The following LRRC4C variants were observed in gnomAD, a reference collection of about 807,000 sequenced individuals.
LRRC4C encodes leucine rich repeat containing 4C.
LRRC4C carries 5 observed loss-of-function variants against 33.6 expected under a neutral mutation model. The observed-to-expected ratio is 0.15, with a 90% CI of 0.08 to 0.31. The LOEUF is 0.31. Ranked by LOEUF, LRRC4C falls within the 10% of genes least tolerant of loss-of-function variation. LRRC4C has a pLI of 1.00. For missense variants in LRRC4C, 560 were observed against 796.7 expected, an observed-to-expected ratio of 0.70 and a Z score of 3.58; for synonymous variants, 329 against 302.0, an observed-to-expected ratio of 1.09 and a Z score of -0.93.
chr11:40,703,872 T>C (rs73469400), intron 2 of LRRC4C, among the ~76,000 whole-genome samples: 6,124 of 152,256 alleles, frequency 0.04, 416 homozygotes, highest in African/African-American at 0.14. Flanking sequence ...GTTAACATTG[T>C]GTGTTTTAGT....
chr11:40,876,204 T>A (rs748847906), intron 2 of LRRC4C, among the ~76,000 whole-genome samples: 1 of 151,600 alleles, frequency 6.6e-6, no homozygotes, highest in Non-Finnish European at 1.5e-5. Context: ...ACCAACAAAG[T>A]TGGTTCACCA....
At chr11:41,364,938 T>C (rs1055132844) in intron 1 of LRRC4C, among the ~76,000 whole-genome samples, 16 of 152,090 alleles carry the variant, frequency 1.1e-4, no homozygotes, top group Admixed American at 3.3e-4. Context: ...ATTTTCAAAG[T>C]TATTTTGTCA....
At chr11:40,943,004 TG>T (rs1228045448) in intron 1 of LRRC4C, among the ~76,000 whole-genome samples, 1 of 152,200 alleles carries the variant, frequency 6.6e-6, no homozygotes, top group African/African-American at 2.4e-5. Flanking sequence ...GCTCAGGTGT[TG>T]AAAGCAGACA....
chr11:41,073,231 G>A (rs543494197), intron 1 of LRRC4C, among the ~76,000 whole-genome samples: 3 of 152,230 alleles, frequency 2.0e-5, no homozygotes, highest in African/African-American at 7.2e-5. Flanking sequence ...TATCTGGTGA[G>A]GGCCTCAGGA....
chr11:40,967,112 G>T (rs1322508629), intron 1 of LRRC4C, among the ~76,000 whole-genome samples: 1 of 151,814 alleles, frequency 6.6e-6, no homozygotes, highest in East Asian at 1.9e-4. Context: ...TAGCTAATCT[G>T]AGTTTGAGCT....
intron 1 of LRRC4C, among the ~76,000 whole-genome samples, chr11:40,940,925 CTTTT>C (rs35666750): frequency 3.8e-5 from 5 of 131,610 alleles, no homozygotes; most frequent in Admixed American, 1.6e-4. Context: ...GTTACAAAAT[CTTTT>C]TTTTTTTTTT....
intron 2 of LRRC4C, among the ~76,000 whole-genome samples, chr11:40,756,352 G>T (rs143642276): frequency 6.6e-6 from 1 of 151,956 alleles, no homozygotes. Flanking sequence ...ATAATCCGTC[G>T]CTTTGCTAAT....
intron 5 of LRRC4C, among the ~76,000 whole-genome samples, chr11:40,198,784 C>T (rs1862473207): frequency 6.6e-6 from 1 of 152,174 alleles, no homozygotes; most frequent in Non-Finnish European, 1.5e-5. Flanking sequence ...TAAATGGAGT[C>T]AATCTGGACT....
chr11:41,120,529 G>GGTGCTT (rs1942369323), intron 1 of LRRC4C, among the ~76,000 whole-genome samples: 1 of 151,938 alleles, frequency 6.6e-6, no homozygotes, highest in African/African-American at 2.4e-5. Context: ...AAGTGAGCTA[G>GGTGCTT]GTGCTTATTT....
intron 5 of LRRC4C, among the ~76,000 whole-genome samples, chr11:40,211,055 G>C (rs1292024757): frequency 1.3e-5 from 2 of 152,076 alleles, no homozygotes; most frequent in Non-Finnish European, 2.9e-5. Context: ...AGGATCACAG[G>C]CCTGAGCAAC....
At chr11:41,287,895 C>A (rs992530683) in intron 1 of LRRC4C, among the ~76,000 whole-genome samples, 1 of 152,090 alleles carries the variant, frequency 6.6e-6, no homozygotes, top group Non-Finnish European at 1.5e-5. Flanking sequence ...GCTTCCATGT[C>A]ACTTTAACTA....
chr11:41,448,155 C>A (rs1487749562), intron 1 of LRRC4C, among the ~76,000 whole-genome samples: 9 of 33,552 alleles, frequency 2.7e-4, no homozygotes, highest in Non-Finnish European at 7.1e-4. Context: ...AGCTTTACTT[C>A]ATCAGTGTCC....
intron 5 of LRRC4C, among the ~76,000 whole-genome samples, chr11:40,196,217 T>C (rs1320050321): frequency 1.3e-5 from 2 of 152,098 alleles, no homozygotes; most frequent in African/African-American, 4.8e-5. Flanking sequence ...GGGCAGACAC[T>C]ACGAAGGGGT....
chr11:40,492,673 T>C (rs778962797), intron 3 of LRRC4C, among the ~76,000 whole-genome samples: 3 of 152,162 alleles, frequency 2.0e-5, no homozygotes, highest in Admixed American at 1.3e-4. Flanking sequence ...AGTCTTCTCA[T>C]TGAAACCTAA....
rs537474437 is a variant in LRRC4C, at chr11:41,361,629, G to A, written c.-496+97802C>T. On this transcript the variant is annotated intron_variant, in intron 1 of 6. Transcript: ENST00000528697. ...CTACATAATTGCACAGGCAAAAATT[G>A]TACATAAATATCAATGCATAGCTAA... 7.9e-5 allele frequency among the ~76,000 whole-genome samples: 12 copies of A among 152,252 alleles called. No individual in the cohort carries two copies. In the South Asian group the frequency reaches 2.3e-3, roughly 29 times the overall value.
At chr11:40,824,560 A>G (rs1308745559) in intron 2 of LRRC4C, among the ~76,000 whole-genome samples, 1 of 151,820 alleles carries the variant, frequency 6.6e-6, no homozygotes, top group Non-Finnish European at 1.5e-5. Flanking sequence ...ATGTACCCCA[A>G]CCGAGCTCTG....
chr11:41,060,589 G>A (rs1937687190), intron 1 of LRRC4C, among the ~76,000 whole-genome samples: 1 of 152,096 alleles, frequency 6.6e-6, no homozygotes, highest in Non-Finnish European at 1.5e-5. Flanking sequence ...TCTGTTGGAT[G>A]AATTGTATCA....
At position 40,952,098 on chromosome 11, in the gene LRRC4C, C is replaced by T. The variant is rs190954910; in HGVS notation, c.-495-18375G>A. ...ATTAATTTTATTCATGTGTGTGATG[C>T]ACATACTGTCCAAGGCATCTTACAA... On this transcript the variant is annotated intron_variant, in intron 1 of 6. Coordinates refer to ENST00000528697, the MANE Select transcript of LRRC4C (RefSeq NM_001258419.2). Among the ~76,000 whole-genome samples the T allele has an allele frequency of 4.9e-4, 75 of 151,948 alleles. 1 individual carries two copies. In the East Asian group the frequency reaches 8.1e-3, roughly 17 times the overall value.
At chr11:41,066,263 G>A (rs1423750854) in intron 1 of LRRC4C, among the ~76,000 whole-genome samples, 1 of 152,118 alleles carries the variant, frequency 6.6e-6, no homozygotes, top group African/African-American at 2.4e-5. Context: ...AGAACTTTGT[G>A]GATCATACAC....
Sources: gnomAD v4.1 joint callset for allele counts (sites outside exome capture counted in the v4.1 genomes callset) on GRCh38, gnomAD v4.1.1 for gene constraint, MANE v1.5 for transcripts, NCBI Gene and HGNC (gene_info 2026-07-23, HGNC 2026-07-21) for gene names.